Variants in TXLNB observed in about 807,000 individuals in gnomAD.
The protein encoded by TXLNB is beta-taxilin.
TXLNB carries 37 observed loss-of-function variants against 57.4 expected under a neutral mutation model. The ratio of observed to expected loss-of-function variants is 0.64; its 90% CI spans 0.50 to 0.85. The LOEUF (loss-of-function observed/expected upper bound fraction) is 0.85, where lower values mean the gene tolerates loss of function less well. Among genes scored for constraint, TXLNB ranks in the 40% least tolerant of loss-of-function variants. The probability of loss-of-function intolerance (pLI) is 0.00; values close to 1 mark genes in which losing one functional copy is unlikely to be tolerated. For missense variants in TXLNB, 848 were observed against 825.6 expected (o/e 1.03, Z -0.33); for synonymous variants, 302 against 309.6 (o/e 0.98, Z 0.26).
the TXLNB span, among the ~76,000 whole-genome samples, chr6:139,223,924 G>T: frequency 3.3e-5 from 5 of 150,488 alleles, no homozygotes; most frequent in Non-Finnish European, 1.5e-5. Flanking sequence ...AATACCATTT[G>T]ACCCAGCCAT....
chr6:139,237,209 T>C (rs1272901952), downstream of TXLNB, among the ~76,000 whole-genome samples: 1 of 152,102 alleles, frequency 6.6e-6, no homozygotes. Context: ...TTTGAAAATA[T>C]GTAGTATATT....
chr6:139,305,600 A>T, the TXLNB span, among the ~76,000 whole-genome samples: 1 of 152,196 alleles, frequency 6.6e-6, no homozygotes, highest in Non-Finnish European at 1.5e-5. Flanking sequence ...AGTCAGAAAG[A>T]TATTCACATA....
chr6:139,159,783 A>G, the TXLNB span, among the ~76,000 whole-genome samples: 1 of 152,198 alleles, frequency 6.6e-6, no homozygotes, highest in Non-Finnish European at 1.5e-5. Context: ...TCCCTATTTT[A>G]GATTTTGCCT....
At chr6:139,309,277 C>T in the TXLNB span, among the ~76,000 whole-genome samples, 2 of 152,200 alleles carry the variant, frequency 1.3e-5, no homozygotes, top group African/African-American at 4.8e-5. Context: ...ATTTCCCAAA[C>T]CTGATTTTCC....
chr6:139,238,988 A>G (rs1173505739), downstream of TXLNB: 3 of 152,222 alleles, frequency 2.0e-5, no homozygotes, highest in African/African-American at 7.2e-5. Context: ...TACAACGAAC[A>G]CATGTTACTT....
the TXLNB span, among the ~76,000 whole-genome samples, chr6:139,230,527 C>T: frequency 5.9e-5 from 9 of 152,198 alleles, no homozygotes; most frequent in East Asian, 1.9e-4. Context: ...AGCTCCTCTC[C>T]GCTTAGGCAG....
the TXLNB span, among the ~76,000 whole-genome samples, chr6:139,223,217 G>GA: frequency 6.6e-6 from 1 of 152,180 alleles, no homozygotes; most frequent in African/African-American, 2.4e-5. Context: ...AAACATATGT[G>GA]AAAGACGAAA....
At chr6:139,200,945 C>T in the TXLNB span, among the ~76,000 whole-genome samples, 7 of 152,218 alleles carry the variant, frequency 4.6e-5, no homozygotes, top group African/African-American at 1.7e-4. Flanking sequence ...TGGTCTCTAT[C>T]CAGTCTCAAT....
chr6:139,174,357 C>T, the TXLNB span: 1 of 1,594,762 alleles, frequency 6.3e-7, no homozygotes. Context: ...ATGATGGCCA[C>T]TCAGAGCCTT....
At chr6:139,299,654 G>A in the TXLNB span, among the ~76,000 whole-genome samples, 1 of 152,058 alleles carries the variant, frequency 6.6e-6, no homozygotes, top group African/African-American at 2.4e-5. Context: ...TGGCTGAGAT[G>A]CCTTGTTACC....
At chr6:139,233,449 A>T in the TXLNB span, among the ~76,000 whole-genome samples, 21 of 124,400 alleles carry the variant, frequency 1.7e-4, no homozygotes, top group African/African-American at 5.5e-4. Flanking sequence ...ATAGATAGAT[A>T]TTTTTTTTGA....
upstream of TXLNB, among the ~76,000 whole-genome samples, chr6:139,293,179 C>T (rs1370099345): frequency 6.6e-6 from 1 of 152,078 alleles, no homozygotes; most frequent in East Asian, 1.9e-4. Flanking sequence ...CTCACTGCAA[C>T]CTCCCGGGTT....
the TXLNB span, among the ~76,000 whole-genome samples, chr6:139,311,256 CTT>C: frequency 6.6e-6 from 1 of 152,156 alleles, no homozygotes; most frequent in Non-Finnish European, 1.5e-5. Context: ...GCTGGAGAAA[CTT>C]TTCAAAAAGT....
downstream of TXLNB, among the ~76,000 whole-genome samples, chr6:139,235,396 A>G (rs953795929): frequency 3.3e-5 from 5 of 152,176 alleles, no homozygotes; most frequent in African/African-American, 1.2e-4. Context: ...TTTTGGGTTA[A>G]TTCTGGAATG....
chr6:139,162,353 A>G, the TXLNB span, among the ~76,000 whole-genome samples: 2 of 152,128 alleles, frequency 1.3e-5, no homozygotes, highest in East Asian at 3.9e-4. Flanking sequence ...TTTCATGTGT[A>G]TAGTTTTTTT....
the TXLNB span, chr6:139,182,995 T>C: frequency 6.6e-6 from 1 of 152,236 alleles, no homozygotes; most frequent in Non-Finnish European, 1.5e-5. Flanking sequence ...ATAGAACTAA[T>C]TGTAATTCCT....
the TXLNB span, among the ~76,000 whole-genome samples, chr6:139,185,015 A>G: frequency 6.6e-6 from 1 of 152,194 alleles, no homozygotes. Flanking sequence ...ACATTAACAA[A>G]TTGCATATTT....
At chr6:139,295,215 T>A (rs188877078), upstream of TXLNB, among the ~76,000 whole-genome samples, 1 of 152,140 alleles carries the variant, frequency 6.6e-6, no homozygotes, top group East Asian at 1.9e-4. Context: ...TCAAGTATAA[T>A]TGAAAATAAT....
chr6:139,236,913 C>T (rs1351166649), downstream of TXLNB, among the ~76,000 whole-genome samples: 1 of 152,076 alleles, frequency 6.6e-6, no homozygotes, highest in Non-Finnish European at 1.5e-5. Context: ...TGCCTGACCA[C>T]CTTTATTATT....
Sources: gnomAD v4.1 joint callset for allele counts (sites outside exome capture counted in the v4.1 genomes callset) on GRCh38, gnomAD v4.1.1 for gene constraint, MANE v1.5 for transcripts, NCBI Gene and HGNC (gene_info 2026-07-23, HGNC 2026-07-21) for gene names.